ELP4: variants seen among roughly 807,000 people sequenced by gnomAD.
ELP4 encodes the protein elongator complex protein 4.
A neutral mutation model predicts 48.9 loss-of-function variants in ELP4; 51 were observed. That is an observed-to-expected ratio of 1.04 (90% CI 0.83 to 1.32). ELP4 has a LOEUF of 1.32. ELP4 is among the 40% of genes most tolerant of loss of function. ELP4 has a pLI of 0.00. For missense variants in ELP4, 519 were observed against 514.6 expected, an observed-to-expected ratio of 1.01 and a Z score of -0.08; for synonymous variants, 210 against 189.2, an observed-to-expected ratio of 1.11 and a Z score of -0.90.
intron 5 of ELP4, among the ~76,000 whole-genome samples, chr11:31,618,857 G>T (rs1944553575): frequency 6.6e-6 from 1 of 152,018 alleles, no homozygotes; most frequent in South Asian, 2.1e-4. Context: ...CTTTCAGTGG[G>T]TGAATTGTAT....
intron 9 of ELP4, among the ~76,000 whole-genome samples, chr11:31,710,232 T>C (rs1474839037): frequency 6.6e-6 from 1 of 152,166 alleles, no homozygotes; most frequent in African/African-American, 2.4e-5. Flanking sequence ...GAAGATACAC[T>C]TTAAATAGGT....
At chr11:31,772,730 ATGAAGTTTTTATTCAG>A (rs1022298096) in intron 9 of ELP4, among the ~76,000 whole-genome samples, 1 of 152,210 alleles carries the variant, frequency 6.6e-6, no homozygotes, top group African/African-American at 2.4e-5. Context: ...AAGTTTGAAA[ATGAAGTTTTTATTCAG>A]AATTGTTTTA....
chr11:31,659,735 C>A (rs1945513260), intron 9 of ELP4, among the ~76,000 whole-genome samples: 1 of 152,258 alleles, frequency 6.6e-6, no homozygotes, highest in Middle Eastern at 3.4e-3. Context: ...CACCTGTAAT[C>A]TCAGCACTTT....
intron 5 of ELP4, among the ~76,000 whole-genome samples, chr11:31,605,907 C>A (rs1407982124): frequency 6.6e-6 from 1 of 151,902 alleles, no homozygotes; most frequent in Non-Finnish European, 1.5e-5. Flanking sequence ...GAGCTAACAC[C>A]CAAACTCAAG....
chr11:31,754,337 A>G (rs1312349516), intron 9 of ELP4, among the ~76,000 whole-genome samples: 1 of 151,886 alleles, frequency 6.6e-6, no homozygotes, highest in Non-Finnish European at 1.5e-5. Flanking sequence ...GCTCCTGTCT[A>G]CTCTCACAAC....
At chr11:31,742,579 G>A (rs1947480006) in intron 9 of ELP4, among the ~76,000 whole-genome samples, 2 of 152,232 alleles carry the variant, frequency 1.3e-5, no homozygotes, top group Admixed American at 1.3e-4. Context: ...AGCCAGAAGA[G>A]AGTGGGGGCC....
At chr11:31,688,283 G>C (rs774973484) in intron 9 of ELP4, among the ~76,000 whole-genome samples, 4 of 152,130 alleles carry the variant, frequency 2.6e-5, no homozygotes, top group African/African-American at 9.7e-5. Context: ...TGTAATGCAA[G>C]GGAATGGTTT....
At chr11:31,760,626 A>G (rs1055942550) in intron 9 of ELP4, among the ~76,000 whole-genome samples, 10 of 152,256 alleles carry the variant, frequency 6.6e-5, no homozygotes, top group Non-Finnish European at 1.0e-4. Flanking sequence ...GTTAAATAGC[A>G]TATTTCACTT....
intron 9 of ELP4, among the ~76,000 whole-genome samples, chr11:31,754,434 A>G (rs893839360): frequency 2.6e-5 from 4 of 152,050 alleles, no homozygotes; most frequent in Admixed American, 6.5e-5. Flanking sequence ...TTCTTACTTC[A>G]GTGACTTGCA....
intron 9 of ELP4, chr11:31,763,445 A>G (rs773600598): frequency 1.9e-6 from 3 of 1,609,318 alleles, no homozygotes; most frequent in African/African-American, 2.7e-5. Context: ...CAAGAGAGGA[A>G]CATTTATCCT....
At chr11:31,600,358 G>T (rs1001647518) in intron 4 of ELP4, 1 of 152,032 alleles carries the variant, frequency 6.6e-6, no homozygotes, top group Non-Finnish European at 1.5e-5. Context: ...CAGTATTGTA[G>T]AGCTCTAATA....
rs116445529 is a variant in ELP4, at chr11:31,635,388, C to T, written c.927+2983C>T. ...AATAACCCTGTATGGTTGGTACTGT[C>T]ATTATCTTTTCCCAAGATCACACAG... On this transcript the variant is annotated intron_variant, in intron 7 of 9. Transcript: ENST00000640961. 9.8e-3 allele frequency among the ~76,000 whole-genome samples: 1,491 copies of T among 152,016 alleles called. 34 individuals carry two copies. Among genetic ancestry groups the T allele is most frequent in the African/African-American group, 0.034 (1,417 of 41,490 alleles).
intron 7 of ELP4, chr11:31,633,118 A>C (rs953762527): frequency 6.6e-5 from 10 of 152,122 alleles, no homozygotes; most frequent in African/African-American, 2.4e-4. Context: ...GGCTTTTCCT[A>C]GATATTCAGT....
chr11:31,628,714 T>C (rs1490159819), intron 6 of ELP4, among the ~76,000 whole-genome samples: 1 of 152,060 alleles, frequency 6.6e-6, no homozygotes, highest in Admixed American at 6.6e-5. Context: ...CCAAAACTTT[T>C]TAAATTAAAA....
At chr11:31,656,754 A>G (rs1349966925) in intron 9 of ELP4, among the ~76,000 whole-genome samples, 2 of 152,050 alleles carry the variant, frequency 1.3e-5, no homozygotes, top group Non-Finnish European at 2.9e-5. Flanking sequence ...AGCATTGTCT[A>G]AATATGCAAA....
intron 9 of ELP4, among the ~76,000 whole-genome samples, chr11:31,781,584 C>T (rs142778286): frequency 6.4e-4 from 91 of 143,248 alleles, no homozygotes; most frequent in African/African-American, 2.1e-3. Flanking sequence ...CTGCATCCTC[C>T]GACTCCCTGG....
intron 9 of ELP4, among the ~76,000 whole-genome samples, chr11:31,672,747 CCACTG>C (rs1945834925): frequency 6.6e-6 from 1 of 151,952 alleles, no homozygotes; most frequent in Non-Finnish European, 1.5e-5. Context: ...CATGATTGTG[CCACTG>C]CACTCCAGCC....
intron 5 of ELP4, among the ~76,000 whole-genome samples, chr11:31,618,287 G>A (rs1215739033): frequency 6.6e-6 from 1 of 152,058 alleles, no homozygotes; most frequent in Admixed American, 6.6e-5. Context: ...ATAAACAATA[G>A]AAATTTATTT....
At chr11:31,694,318 C>T (rs12276087) in intron 9 of ELP4, among the ~76,000 whole-genome samples, 97 of 152,206 alleles carry the variant, frequency 6.4e-4, no homozygotes, top group African/African-American at 2.3e-3. Context: ...AGTCTTTAAT[C>T]CAGCTTGAAT....
Sources: gnomAD v4.1 joint callset for allele counts (sites outside exome capture counted in the v4.1 genomes callset) on GRCh38, gnomAD v4.1.1 for gene constraint, MANE v1.5 for transcripts, NCBI Gene and HGNC (gene_info 2026-07-23, HGNC 2026-07-21) for gene names.